The following INSYN2B variants were observed in gnomAD, a reference collection of about 807,000 sequenced individuals.
INSYN2B encodes protein INSYN2B.
A neutral mutation model predicts 41.2 loss-of-function variants in INSYN2B; 16 were observed. The ratio of observed to expected loss-of-function variants is 0.39; its 90% CI spans 0.26 to 0.59. The LOEUF is 0.59. INSYN2B is among the 20% of genes least tolerant of loss of function. INSYN2B has a pLI of 0.57. For missense variants in INSYN2B, 608 were observed against 646.4 expected (o/e 0.94, Z 0.64); for synonymous variants, 245 against 244.4 (o/e 1.00, Z -0.02).
chr5:169,898,892 G>C (rs896080480), intron 1 of INSYN2B, among the ~76,000 whole-genome samples: 4 of 152,160 alleles, frequency 2.6e-5, no homozygotes, highest in African/African-American at 9.6e-5. Context: ...GAACCAGATG[G>C]AAATGAGCAA....
chr5:169,867,088 G>T (rs1041386544), intron 3 of INSYN2B, among the ~76,000 whole-genome samples: 59 of 152,230 alleles, frequency 3.9e-4, no homozygotes, highest in Admixed American at 3.7e-3. Context: ...AGAACTCAGG[G>T]AAACACTTCC....
chr5:169,899,155 G>T (rs1773781019), intron 1 of INSYN2B, among the ~76,000 whole-genome samples: 2 of 152,182 alleles, frequency 1.3e-5, no homozygotes, highest in African/African-American at 4.8e-5. Flanking sequence ...TCTAGTAAGA[G>T]CTCAAAAAAT....
At chr5:169,950,678 G>A (rs1776626391) in intron 1 of INSYN2B, among the ~76,000 whole-genome samples, 1 of 152,194 alleles carries the variant, frequency 6.6e-6, no homozygotes, top group Non-Finnish European at 1.5e-5. Flanking sequence ...CCAATGTTGT[G>A]TTCCTCTGGG....
intron 1 of INSYN2B, among the ~76,000 whole-genome samples, chr5:169,893,216 C>T (rs1302796872): frequency 6.6e-6 from 1 of 152,236 alleles, no homozygotes; most frequent in African/African-American, 2.4e-5. Context: ...GTGGTACATT[C>T]ACCCCTCTAG....
At chr5:169,979,981 C>A (rs1367442898) in intron 1 of INSYN2B, among the ~76,000 whole-genome samples, 2 of 152,182 alleles carry the variant, frequency 1.3e-5, no homozygotes, top group Non-Finnish European at 2.9e-5. Flanking sequence ...CTTTTCAAGG[C>A]AATTCCAGGC....
chr5:169,955,766 A>T (rs1776841449), intron 1 of INSYN2B, among the ~76,000 whole-genome samples: 1 of 152,144 alleles, frequency 6.6e-6, no homozygotes, highest in Admixed American at 6.5e-5. Context: ...GCACTAAGAA[A>T]TCCTGCCTCC....
In INSYN2B at chr5:169,864,197, A is replaced by G. The variant is rs947609933; in HGVS notation, c.*76T>C. 27 of 1,284,318 alleles carry G rather than the reference A, an allele frequency of 2.1e-5. No homozygotes were observed. Among genetic ancestry groups the G allele is most frequent in the Non-Finnish European group, 3.0e-5 (27 of 906,718 alleles). The allele number at this position is 1,284,318 out of a possible 1,614,324, so 79.6% of individuals were successfully genotyped here. On this transcript the variant is annotated 3_prime_UTR_variant, in exon 4 of 4. Transcript: ENST00000377365. The stretch of plus-strand genomic sequence containing the variant: ...CAGGGCCTTTGCAAAGAAGCAGGGC[A>G]GGCCTTAAGTGCAGTGGATTTCCCA...
At chr5:169,910,358 C>T (rs1774525806) in intron 1 of INSYN2B, among the ~76,000 whole-genome samples, 1 of 152,164 alleles carries the variant, frequency 6.6e-6, no homozygotes, top group South Asian at 2.1e-4. Context: ...ACTACAAAGT[C>T]ATTTAAAATT....
At position 169,882,774 on chromosome 5, in the gene INSYN2B, T is replaced by G. The variant is rs1174778044; in HGVS notation, c.1125A>C (p.Gly375=). Residue 375 remains glycine (G), a synonymous_variant, in exon 2 of 4, where the codon GGA becomes GGC. Transcript: ENST00000377365. The part of the protein sequence containing the change: ...SDTLEFPNCP[G]SNHLPSSLSR... ...AAAGAGAGGATGGGAGATGATTACT[T>G]CCTGGACAATTTGGAAACTCCAGTG... The G allele has an allele frequency of 1.3e-6, 2 of 1,551,698 alleles. No homozygotes were observed.
At chr5:169,917,392 C>T (rs1424504355) in intron 1 of INSYN2B, among the ~76,000 whole-genome samples, 2 of 152,036 alleles carry the variant, frequency 1.3e-5, no homozygotes, top group Non-Finnish European at 2.9e-5. Flanking sequence ...GATTTTTTTC[C>T]AGTAGTAAAA....
intron 1 of INSYN2B, among the ~76,000 whole-genome samples, chr5:169,919,088 A>G (rs543449119): frequency 6.6e-6 from 1 of 152,314 alleles, no homozygotes; most frequent in South Asian, 2.1e-4. Flanking sequence ...GCCTTTTCCT[A>G]AGGACACTAT....
At chr5:169,934,821 GTAGTGTCATCTGCAAA>G in intron 1 of INSYN2B, 1 of 429,234 alleles carries the variant, frequency 2.3e-6, no homozygotes. Context: ...TAAATTGATT[GTAGTGTCATCTGCAAA>G]TAGGTAAATA....
At chr5:169,940,392 A>T (rs1473006567) in intron 1 of INSYN2B, among the ~76,000 whole-genome samples, 2 of 152,156 alleles carry the variant, frequency 1.3e-5, no homozygotes, top group African/African-American at 4.8e-5. Context: ...CCTTTTTGGC[A>T]CCAGGGACCA....
chr5:169,943,587 C>T lies in INSYN2B; in HGVS notation c.-919+36690G>A, dbSNP rs1776326772. On this transcript the variant is annotated intron_variant, in intron 1 of 3. Coordinates refer to ENST00000377365, the MANE Select transcript of INSYN2B (RefSeq NM_001129891.3). ...CAAGATTACACATGCTATTTGGTTA[C>T]CCTCACCTCCTGGCTTGTCTATTAT... 2.0e-5 allele frequency among the ~76,000 whole-genome samples: 3 copies of T among 152,184 alleles called. No homozygotes were observed. In the South Asian group the frequency reaches 6.2e-4, roughly 32 times the overall value.
At chr5:169,867,761 C>T (rs376120993) in intron 3 of INSYN2B, among the ~76,000 whole-genome samples, 61 of 152,274 alleles carry the variant, frequency 4.0e-4, no homozygotes, top group African/African-American at 1.2e-3. Context: ...GAGGCATCAC[C>T]TGGTACTGCA....
At chr5:169,897,839 G>A (rs1365012100) in intron 1 of INSYN2B, among the ~76,000 whole-genome samples, 1 of 152,140 alleles carries the variant, frequency 6.6e-6, no homozygotes, top group Non-Finnish European at 1.5e-5. Context: ...TTTTCTCCAG[G>A]TCTATGTAAT....
At chr5:169,879,117 CT>C (rs1772492375) in intron 3 of INSYN2B, among the ~76,000 whole-genome samples, 1 of 152,172 alleles carries the variant, frequency 6.6e-6, no homozygotes, top group Admixed American at 6.5e-5. Flanking sequence ...GGAAATACCA[CT>C]TAGGAAACCG....
At chr5:169,900,941 G>A (rs546746719) in intron 1 of INSYN2B, among the ~76,000 whole-genome samples, 10 of 152,286 alleles carry the variant, frequency 6.6e-5, no homozygotes, top group South Asian at 2.1e-4. Context: ...TACAACTGGT[G>A]TACCAAACAG....
chr5:169,930,216 T>A (rs1775679717), intron 1 of INSYN2B, among the ~76,000 whole-genome samples: 1 of 152,146 alleles, frequency 6.6e-6, no homozygotes. Context: ...GGTCTCAATC[T>A]CCTGACCTTG....
Sources: gnomAD v4.1 joint callset for allele counts (sites outside exome capture counted in the v4.1 genomes callset) on GRCh38, gnomAD v4.1.1 for gene constraint, MANE v1.5 for transcripts, NCBI Gene and HGNC (gene_info 2026-07-23, HGNC 2026-07-21) for gene names.